The following GALNT13 variants were observed in gnomAD, a reference collection of about 807,000 sequenced individuals.
The protein encoded by GALNT13 is UDP-GalNAc:polypeptide N-acetylgalactosaminyltransferase 13.
A neutral mutation model predicts 64.2 loss-of-function variants in GALNT13; 28 were observed. That is an observed-to-expected ratio of 0.44 (90% CI 0.32 to 0.60). The LOEUF is 0.60. Among genes scored for constraint, GALNT13 ranks in the 20% least tolerant of loss-of-function variants. The pLI, the probability that GALNT13 is intolerant of heterozygous loss-of-function variation, is 0.05. For missense variants in GALNT13, 577 were observed against 669.8 expected (o/e 0.86, Z 1.53); for synonymous variants, 214 against 224.6 (o/e 0.95, Z 0.42).
chr2:153,182,747 A>T, the GALNT13 span, among the ~76,000 whole-genome samples: 30 of 152,324 alleles, frequency 2.0e-4, no homozygotes, highest in African/African-American at 7.2e-4. Context: ...TTTGCTGAGG[A>T]TCATGGCTTC....
the GALNT13 span, among the ~76,000 whole-genome samples, chr2:153,537,081 G>A: frequency 7.2e-5 from 11 of 152,174 alleles, no homozygotes; most frequent in Admixed American, 7.2e-4. Context: ...AGTAGGGGTG[G>A]AACAGTCCAG....
intron 3 of GALNT13, among the ~76,000 whole-genome samples, chr2:154,054,306 T>C (rs1193586188): frequency 6.6e-6 from 1 of 152,050 alleles, no homozygotes; most frequent in Non-Finnish European, 1.5e-5. Flanking sequence ...TTTTCCAGAA[T>C]ACTTTCTAAA....
intron 4 of GALNT13, among the ~76,000 whole-genome samples, chr2:154,223,204 A>G (rs944139313): frequency 7.2e-5 from 11 of 152,066 alleles, no homozygotes; most frequent in African/African-American, 2.4e-4. Context: ...TTGATATTCA[A>G]TTTATTTTTC....
At chr2:154,133,082 C>G (rs1448651533) in intron 3 of GALNT13, among the ~76,000 whole-genome samples, 1 of 152,028 alleles carries the variant, frequency 6.6e-6, no homozygotes, top group Non-Finnish European at 1.5e-5. Flanking sequence ...GGCATATAAC[C>G]TTCCATCTAA....
chr2:153,470,650 A>G, the GALNT13 span, among the ~76,000 whole-genome samples: 1 of 152,206 alleles, frequency 6.6e-6, no homozygotes, highest in African/African-American at 2.4e-5. Flanking sequence ...TACAAGTTAC[A>G]TGAATCAATA....
intron 1 of GALNT13, among the ~76,000 whole-genome samples, chr2:153,884,764 C>T (rs980215690): frequency 2.9e-5 from 3 of 103,236 alleles, no homozygotes; most frequent in African/African-American, 4.7e-5. Context: ...ACTAAAAATA[C>T]GAATATATAT....
At chr2:153,985,553 A>G (rs541632179) in intron 3 of GALNT13, among the ~76,000 whole-genome samples, 2 of 152,100 alleles carry the variant, frequency 1.3e-5, no homozygotes, top group East Asian at 1.9e-4. Flanking sequence ...CACCAAACTC[A>G]GTACCCGGCA....
chr2:153,445,522 T>G, the GALNT13 span, among the ~76,000 whole-genome samples: 1 of 151,924 alleles, frequency 6.6e-6, no homozygotes, highest in Non-Finnish European at 1.5e-5. Context: ...GGACTAGAGG[T>G]GCATGCACAA....
the GALNT13 span, among the ~76,000 whole-genome samples, chr2:153,594,791 T>C: frequency 1.3e-5 from 2 of 152,150 alleles, no homozygotes; most frequent in Non-Finnish European, 2.9e-5. Context: ...CAACATAAAA[T>C]GTAATCTTTC....
chr2:153,637,985 G>T, the GALNT13 span, among the ~76,000 whole-genome samples: 1 of 152,276 alleles, frequency 6.6e-6, no homozygotes, highest in African/African-American at 2.4e-5. Flanking sequence ...GGATTAAGGT[G>T]AGACGTGGAA....
the GALNT13 span, among the ~76,000 whole-genome samples, chr2:153,852,257 T>G: frequency 6.6e-6 from 1 of 152,172 alleles, no homozygotes; most frequent in East Asian, 1.9e-4. Flanking sequence ...AAAAATATCA[T>G]GAAACGCAAC....
intron 9 of GALNT13, among the ~76,000 whole-genome samples, chr2:154,394,335 T>C (rs1698960085): frequency 6.6e-6 from 1 of 152,126 alleles, no homozygotes; most frequent in Non-Finnish European, 1.5e-5. Context: ...TCATTGTCCA[T>C]AAATAAAGTT....
the GALNT13 span, among the ~76,000 whole-genome samples, chr2:153,523,909 A>T: frequency 9.0e-4 from 137 of 152,306 alleles, 1 homozygote; most frequent in African/African-American, 3.2e-3. Flanking sequence ...TCTCACTATT[A>T]AGTATGATGT....
intron 3 of GALNT13, among the ~76,000 whole-genome samples, chr2:154,009,603 A>G (rs1428547004): frequency 1.3e-5 from 2 of 149,868 alleles, no homozygotes; most frequent in African/African-American, 2.5e-5. Flanking sequence ...CAGTTATCCT[A>G]TCTCACCCTC....
chr2:153,630,799 ATATATATATTTTTTT>A, the GALNT13 span, among the ~76,000 whole-genome samples: 47 of 16,154 alleles, frequency 2.9e-3, no homozygotes, highest in African/African-American at 8.7e-3. Context: ...ATATATATAT[ATATATATATTTTTTT>A]TTTTTTTTTT....
At chr2:153,673,294 A>G in the GALNT13 span, among the ~76,000 whole-genome samples, 10 of 152,340 alleles carry the variant, frequency 6.6e-5, no homozygotes, top group South Asian at 2.1e-4. Flanking sequence ...ATGAACATCA[A>G]TGCAAAAATC....
the GALNT13 span, among the ~76,000 whole-genome samples, chr2:153,821,549 A>T: frequency 6.6e-6 from 1 of 152,194 alleles, no homozygotes; most frequent in Non-Finnish European, 1.5e-5. Context: ...AAGAAAACAG[A>T]GACACAGCAT....
chr2:153,616,863 T>A, the GALNT13 span, among the ~76,000 whole-genome samples: 1 of 152,048 alleles, frequency 6.6e-6, no homozygotes, highest in Non-Finnish European at 1.5e-5. Context: ...CTATATCATC[T>A]ACAAACAAGG....
the GALNT13 span, among the ~76,000 whole-genome samples, chr2:153,763,701 G>A: frequency 6.6e-6 from 1 of 152,264 alleles, no homozygotes; most frequent in African/African-American, 2.4e-5. Flanking sequence ...TTGGTACCAG[G>A]AACTAGTGGG....
Sources: gnomAD v4.1 joint callset for allele counts (sites outside exome capture counted in the v4.1 genomes callset) on GRCh38, gnomAD v4.1.1 for gene constraint, MANE v1.5 for transcripts, NCBI Gene and HGNC (gene_info 2026-07-23, HGNC 2026-07-21) for gene names.